ZNF680: variants seen among roughly 807,000 people sequenced by gnomAD.
ZNF680 encodes the protein zinc finger protein 680.
In ZNF680, 6 loss-of-function variants were observed where a neutral mutation model predicts 12.1. The ratio of observed to expected loss-of-function variants is 0.49; its 90% CI spans 0.27 to 0.98. ZNF680 has a LOEUF of 0.98. Among genes scored for constraint, ZNF680 ranks in the 50% least tolerant of loss-of-function variants. ZNF680 has a pLI of 0.12. For missense variants in ZNF680, 561 were observed against 616.3 expected (o/e 0.91, Z 0.95); for synonymous variants, 170 against 199.3 (o/e 0.85, Z 1.24).
intron 3 of ZNF680, among the ~76,000 whole-genome samples, chr7:64,535,691 C>A (rs1350281069): frequency 6.6e-6 from 1 of 151,974 alleles, no homozygotes; most frequent in Non-Finnish European, 1.5e-5. Flanking sequence ...TGCCTGTAAT[C>A]CCAGCACTTT....
chr7:64,513,650 A>ATT, the ZNF680 span, among the ~76,000 whole-genome samples: 1 of 148,434 alleles, frequency 6.7e-6, no homozygotes, highest in African/African-American at 2.5e-5. Context: ...TTAATTAAAA[A>ATT]TTTTTTTTTT....
At chr7:64,499,877 C>A in the ZNF680 span, among the ~76,000 whole-genome samples, 1 of 152,216 alleles carries the variant, frequency 6.6e-6, no homozygotes, top group Non-Finnish European at 1.5e-5. Context: ...TAGGCACATT[C>A]TTTTCCCTTC....
chr7:64,518,887 A>G (rs1791408563), downstream of ZNF680, among the ~76,000 whole-genome samples: 1 of 152,090 alleles, frequency 6.6e-6, no homozygotes, highest in Admixed American at 6.6e-5. Context: ...AACAGTAAAA[A>G]TTCTAGAAGA....
intron 3 of ZNF680, among the ~76,000 whole-genome samples, chr7:64,530,180 T>TA (rs1785786571): frequency 6.6e-6 from 1 of 152,110 alleles, no homozygotes; most frequent in Admixed American, 6.5e-5. Context: ...ATTTTGGAAA[T>TA]ATACCAAAAC....
At position 64,522,277 on chromosome 7, in the gene ZNF680, G is replaced by C. The variant is rs571429645; in HGVS notation, c.477C>G (p.Tyr159Ter). The C allele has an allele frequency of 6.2e-7, 1 of 1,612,786 alleles. No homozygotes were observed. Among genetic ancestry groups the C allele is most frequent in the Non-Finnish European group, 8.5e-7 (1 of 1,179,386 alleles). ...TQSKIFQCDK[Y>*]VKVFHKFSNS... ...TTGAAAATTTATGAAAGACTTTCAC[G>C]TATTTATCACATTGAAATATTTTGC... is the stretch of plus-strand genomic sequence containing the variant. The change falls in exon 4 of 4, where the codon TAC becomes TAG. Residue 159 changes from tyrosine to a stop codon, truncating the protein, a stop_gained. Coordinates refer to ENST00000309683, the MANE Select transcript of ZNF680 (RefSeq NM_178558.5). LOFTEE classifies it low-confidence loss of function (END_TRUNC).
chr7:64,530,475 T>A (rs748164334), intron 3 of ZNF680, among the ~76,000 whole-genome samples: 4 of 152,144 alleles, frequency 2.6e-5, no homozygotes, highest in Non-Finnish European at 5.9e-5. Flanking sequence ...AAAAAACATT[T>A]CATGCAAATG....
chr7:64,537,533 C>T (rs966108664), intron 3 of ZNF680, among the ~76,000 whole-genome samples: 10 of 151,424 alleles, frequency 6.6e-5, no homozygotes, highest in African/African-American at 2.4e-4. Flanking sequence ...GCTAAACAAC[C>T]ATGAAAAAAA....
intron 1 of ZNF680, among the ~76,000 whole-genome samples, chr7:64,545,263 CAAAAAAAAAAAAAAAAAAA>C (rs532422147): frequency 1.1e-5 from 1 of 89,718 alleles, no homozygotes; most frequent in East Asian, 9.7e-4. Context: ...GACTCCATCT[CAAAAAAAAAAAAAAAAAAA>C]AAAAAAAAAA....
intron 3 of ZNF680, among the ~76,000 whole-genome samples, chr7:64,540,901 C>G (rs1786467391): frequency 6.6e-6 from 1 of 151,654 alleles, no homozygotes; most frequent in Non-Finnish European, 1.5e-5. Flanking sequence ...AATAAAATTT[C>G]AGGAAAAAAA....
At chr7:64,547,625 T>C (rs1396677133) in intron 1 of ZNF680, among the ~76,000 whole-genome samples, 5 of 152,192 alleles carry the variant, frequency 3.3e-5, no homozygotes, top group African/African-American at 4.8e-5. Context: ...TTCTCTGTCA[T>C]TGATTTTTTC....
At chr7:64,540,796 G>A (rs1246095030) in intron 3 of ZNF680, among the ~76,000 whole-genome samples, 1 of 152,080 alleles carries the variant, frequency 6.6e-6, no homozygotes, top group Non-Finnish European at 1.5e-5. Flanking sequence ...CAATATTTAT[G>A]TGCCATTAAA....
At chr7:64,553,658 G>C (rs1032224530) in intron 1 of ZNF680, among the ~76,000 whole-genome samples, 1 of 151,516 alleles carries the variant, frequency 6.6e-6, no homozygotes, top group Non-Finnish European at 1.5e-5. Context: ...CTGTACTGCC[G>C]CCATCTCGGC....
intron 1 of ZNF680, among the ~76,000 whole-genome samples, chr7:64,559,449 CT>C (rs2116569145): frequency 6.6e-6 from 1 of 151,034 alleles, no homozygotes; most frequent in East Asian, 1.9e-4. Flanking sequence ...TATAAATCCA[CT>C]TTTTGTTTTA....
At chr7:64,510,223 C>T in the ZNF680 span, among the ~76,000 whole-genome samples, 10 of 63,190 alleles carry the variant, frequency 1.6e-4, 1 homozygote, top group African/African-American at 5.7e-4. Flanking sequence ...CCCATAAATA[C>T]GTAATAAAAA....
At chr7:64,559,143 T>A (rs1361601523) in intron 1 of ZNF680, among the ~76,000 whole-genome samples, 1 of 152,214 alleles carries the variant, frequency 6.6e-6, no homozygotes, top group Non-Finnish European at 1.5e-5. Context: ...AAAGTAAGCA[T>A]GTGAAATTAC....
chr7:64,539,773 A>C (rs1243916590), intron 3 of ZNF680, among the ~76,000 whole-genome samples: 1 of 152,164 alleles, frequency 6.6e-6, no homozygotes, highest in Non-Finnish European at 1.5e-5. Context: ...TCAATCTCCC[A>C]AGTAGCTGAA....
At chr7:64,562,494 AGCTGGGT>A (rs1271596730) in intron 1 of ZNF680, among the ~76,000 whole-genome samples, 2 of 152,220 alleles carry the variant, frequency 1.3e-5, no homozygotes, top group African/African-American at 4.8e-5. Flanking sequence ...TACAAATCAT[AGCTGGGT>A]GCTCTACGAT....
the ZNF680 span, among the ~76,000 whole-genome samples, chr7:64,502,202 G>C: frequency 2.0e-5 from 3 of 151,562 alleles, no homozygotes; most frequent in African/African-American, 4.9e-5. Flanking sequence ...AAGTAGAGAC[G>C]GTGTTTCACC....
At chr7:64,506,930 G>A in the ZNF680 span, among the ~76,000 whole-genome samples, 1 of 152,040 alleles carries the variant, frequency 6.6e-6, no homozygotes, top group South Asian at 2.1e-4. Context: ...ATAGTGTTAT[G>A]GTCAGTACTC....
Sources: gnomAD v4.1 joint callset for allele counts (sites outside exome capture counted in the v4.1 genomes callset) on GRCh38, gnomAD v4.1.1 for gene constraint, MANE v1.5 for transcripts, NCBI Gene and HGNC (gene_info 2026-07-23, HGNC 2026-07-21) for gene names.